The following DCTN4 variants were observed in gnomAD, a reference collection of about 807,000 sequenced individuals.
The protein encoded by DCTN4 is dynactin 4 (p62).
A neutral mutation model predicts 62.7 loss-of-function variants in DCTN4; 23 were observed. The observed-to-expected ratio is 0.37, with a 90% confidence interval of 0.26 to 0.52. DCTN4 has a LOEUF of 0.52. Ranked by LOEUF, DCTN4 falls within the 20% of genes least tolerant of loss-of-function variation. The probability of loss-of-function intolerance (pLI) is 0.92; values close to 1 mark genes in which losing one functional copy is unlikely to be tolerated. For synonymous variants in DCTN4, 199 were observed against 202.1 expected, an observed-to-expected ratio of 0.98 and a Z score of 0.13; for missense variants, 514 against 580.4, an observed-to-expected ratio of 0.89 and a Z score of 1.18.
intron 2 of DCTN4, among the ~76,000 whole-genome samples, chr5:150,755,233 A>G (rs1581607127): frequency 6.6e-6 from 1 of 152,352 alleles, no homozygotes; most frequent in East Asian, 1.9e-4. Context: ...TAAGTGATTT[A>G]AAAAACAAAT....
intron 7 of DCTN4, 128 bp downstream of exon 7, chr5:150,730,916 T>C (rs1017758189): frequency 1.3e-6 from 1 of 776,426 alleles, no homozygotes; most frequent in Non-Finnish European, 2.1e-6. Context: ...ACAGCTGTTT[T>C]ATTTTCTACA....
intron 12 of DCTN4, among the ~76,000 whole-genome samples, chr5:150,713,887 C>T (rs1357542419): frequency 1.3e-5 from 2 of 151,992 alleles, no homozygotes; most frequent in South Asian, 2.1e-4. Flanking sequence ...GAGACCAAGT[C>T]GGGTGGATCA....
At position 150,718,310 on chromosome 5, in the gene DCTN4, T is replaced by C. The variant is rs1759840450; in HGVS notation, c.1037A>G (p.Glu346Gly). 1.2e-6 allele frequency: 2 copies of C among 1,614,066 alleles called. No homozygotes were observed. Among genetic ancestry groups the C allele is most frequent in the African/African-American group, 2.7e-5 (2 of 75,026 alleles). The change falls in exon 11 of 13, where the codon GAG (glutamate) becomes GGG (glycine). Residue 346 changes from glutamate (E) to glycine (G), a missense_variant. Physicochemically the swap from Glu to Gly is moderately conservative, Grantham distance 98. Transcript: ENST00000447998. ...GCTGTTGATATCATCAGGGTCCCCC[T>C]CCTCACACTCGAAGAGAGTCACATG... ...LTHVTLFECE[E>G]GDPDDINSTA... is the part of the protein sequence containing the mutation.
intron 1 of DCTN4, chr5:150,758,185 A>C (rs1276268851): frequency 1.0e-6 from 1 of 985,400 alleles, no homozygotes; most frequent in East Asian, 1.1e-4. Flanking sequence ...GGGTTTTGTT[A>C]TTTGGTGACT....
At chr5:150,716,736 GGTGAAACCCC>G (rs1759770964) in intron 11 of DCTN4, among the ~76,000 whole-genome samples, 1 of 152,030 alleles carries the variant, frequency 6.6e-6, no homozygotes, top group African/African-American at 2.4e-5. Flanking sequence ...TGGCCAACAG[GGTGAAACCCC>G]GTCTCTACTA....
chr5:150,746,850 C>G (rs958096427), intron 3 of DCTN4, among the ~76,000 whole-genome samples: 3 of 152,174 alleles, frequency 2.0e-5, no homozygotes, highest in African/African-American at 7.2e-5. Context: ...TGGGCAAAAA[C>G]TGGAAGCAAT....
chr5:150,731,572 G>T, intron 5 of DCTN4, 83 bp from the exon 6 acceptor site: 1 of 1,098,342 alleles, frequency 9.1e-7, no homozygotes, highest in Non-Finnish European at 1.3e-6. Flanking sequence ...GGGTAGGATA[G>T]CATGAGAAGC....
In DCTN4 at chr5:150,740,313, A is replaced by T. The variant is rs186425221; in HGVS notation, c.429+1801T>A. Among the ~76,000 whole-genome samples, 935 of 152,272 alleles carry T rather than the reference A, an allele frequency of 6.1e-3. 10 individuals are homozygous for T. Among genetic ancestry groups the T allele is most frequent in the Non-Finnish European group, 8.1e-3 (554 of 68,006 alleles). Reference sequence around the variant, plus strand: ...ACACAAATGGCCAACAAACATATTTAAAAAAATGGTCAACATCACTAATGA... The same window carrying T: ...ACACAAATGGCCAACAAACATATTTTAAAAAATGGTCAACATCACTAATGA... On this transcript the variant is annotated intron_variant, in intron 4 of 12. Transcript: ENST00000447998.
At chr5:150,737,123 C>T (rs543190861) in intron 4 of DCTN4, among the ~76,000 whole-genome samples, 1 of 152,266 alleles carries the variant, frequency 6.6e-6, no homozygotes, top group African/African-American at 2.4e-5. Flanking sequence ...AAAACAATTA[C>T]TACTACGCCT....
At chr5:150,715,943 G>C (rs372718842) in intron 11 of DCTN4, among the ~76,000 whole-genome samples, 1 of 151,928 alleles carries the variant, frequency 6.6e-6, no homozygotes, top group Admixed American at 6.6e-5. Context: ...TCACTCTGTC[G>C]CCCAGGCTAG....
Position 150,733,399 on chromosome 5 carries a change from C to T in DCTN4, c.506G>A (p.Arg169Gln), listed in dbSNP as rs146226214. 2.5e-6 allele frequency: 4 copies of T among 1,613,992 alleles called. No individual in the cohort carries two copies. The highest frequency in any genetic ancestry group is 2.5e-6 in the Non-Finnish European group (3 of 1,179,938). ...KVERDRKKLA[R>Q]RRNYMPLAFS... is the part of the protein sequence containing the mutation. The stretch of plus-strand genomic sequence containing the variant: ...AGCCAGAGGCATATAGTTTCTACGT[C>T]GTGCCAGTTTCTTGCGATCTCGCTC... The change falls in exon 5 of 13, where the codon CGA (arginine) becomes CAA (glutamine). Residue 169 changes from arginine to glutamine, a missense_variant. Coordinates refer to ENST00000447998, the MANE Select transcript of DCTN4 (RefSeq NM_016221.4).
At chr5:150,726,119 T>G (rs746913086) in intron 8 of DCTN4, among the ~76,000 whole-genome samples, 1 of 152,184 alleles carries the variant, frequency 6.6e-6, no homozygotes, top group Non-Finnish European at 1.5e-5. Context: ...GCAGGGCTTC[T>G]AAATATAAGG....
chr5:150,715,192 A>C (rs570714389), intron 12 of DCTN4, among the ~76,000 whole-genome samples: 2 of 152,288 alleles, frequency 1.3e-5, no homozygotes, highest in African/African-American at 4.8e-5. Context: ...CCGATGATCA[A>C]TCTCTAGGGA....
At chr5:150,725,365 C>A (rs9686084) in intron 8 of DCTN4, among the ~76,000 whole-genome samples, 19,444 of 151,356 alleles carry the variant, frequency 0.13, 2,078 homozygotes, top group African/African-American at 0.29. Flanking sequence ...CATTATATAA[C>A]CATATTTATA....
intron 8 of DCTN4, among the ~76,000 whole-genome samples, chr5:150,729,042 CTTTTTTTTT>C (rs61106544): frequency 1.2e-4 from 6 of 52,148 alleles, no homozygotes; most frequent in South Asian, 6.3e-4. Context: ...ACCACACTGG[CTTTTTTTTT>C]TTTTTTTTTT....
chr5:150,726,077 G>A (rs972254063), intron 8 of DCTN4, among the ~76,000 whole-genome samples: 4 of 151,890 alleles, frequency 2.6e-5, no homozygotes, highest in Admixed American at 2.6e-4. Flanking sequence ...GCTGGTATAA[G>A]GCTATATGAC....
chr5:150,724,074 A>G (rs2113021278), intron 8 of DCTN4, among the ~76,000 whole-genome samples: 1 of 152,368 alleles, frequency 6.6e-6, no homozygotes, highest in Non-Finnish European at 1.5e-5. Context: ...TCCTAAGAGT[A>G]GATCAAAGGG....
At chr5:150,735,467 G>A (rs1035994765) in intron 4 of DCTN4, among the ~76,000 whole-genome samples, 1 of 152,230 alleles carries the variant, frequency 6.6e-6, no homozygotes, top group Non-Finnish European at 1.5e-5. Context: ...ACAACTGAGA[G>A]ACCTGAAGAC....
At chr5:150,743,543 G>A (rs1203426888) in intron 3 of DCTN4, among the ~76,000 whole-genome samples, 4 of 152,166 alleles carry the variant, frequency 2.6e-5, no homozygotes, top group African/African-American at 9.7e-5. Flanking sequence ...TAACTGGGAG[G>A]CACCCTCCAG....
Sources: gnomAD v4.1 joint callset for allele counts (sites outside exome capture counted in the v4.1 genomes callset) on GRCh38, gnomAD v4.1.1 for gene constraint, MANE v1.5 for transcripts, NCBI Gene and HGNC (gene_info 2026-07-23, HGNC 2026-07-21) for gene names.